Variants in VIRMA observed in about 807,000 individuals in gnomAD.
The protein encoded by VIRMA is vir like m6A methyltransferase associated.
In VIRMA, 65 loss-of-function variants were observed where a neutral mutation model predicts 182.4. That is an observed-to-expected ratio of 0.36 (90% confidence interval 0.29 to 0.44). The LOEUF is 0.44. Ranked by LOEUF, VIRMA falls within the 20% of genes least tolerant of loss-of-function variation. The pLI is 1.00. For missense variants in VIRMA, 1,752 were observed against 2,158.1 expected (o/e 0.81, Z 3.73); for synonymous variants, 709 against 743.1 (o/e 0.95, Z 0.75).
In VIRMA at chr8:94,537,130, A is replaced by G. The variant is rs776225246; in HGVS notation, c.288T>C (p.Thr96=). ...TTGAGTTAGGTCTAAAGATGATGGA[A>G]GTATTCTCATCATATTCCAGGCTGT... ...RLGSLEYDEN[T]SIIFRPNSKV... The change falls in exon 4 of 24, where the codon ACT becomes ACC. Residue 96 remains threonine, a synonymous_variant. Transcript: ENST00000297591. 1 of 1,604,720 alleles carries G rather than the reference A, an allele frequency of 6.2e-7. No individual in the cohort carries two copies.
At chr8:94,534,781 T>A (rs1014727490) in intron 5 of VIRMA, 58 bp downstream of exon 5, 1 of 1,579,174 alleles carries the variant, frequency 6.3e-7, no homozygotes, top group African/African-American at 1.4e-5. Flanking sequence ...CGAATTATTT[T>A]TTTTTTTTAA....
At chr8:94,504,075 G>A (rs1341250564) in intron 16 of VIRMA, among the ~76,000 whole-genome samples, 1 of 152,050 alleles carries the variant, frequency 6.6e-6, no homozygotes, top group Non-Finnish European at 1.5e-5. Flanking sequence ...TTGGGAGGCT[G>A]AGGCAGGGGA....
chr8:94,507,944 T>G (rs954797528), intron 15 of VIRMA, among the ~76,000 whole-genome samples: 36 of 148,808 alleles, frequency 2.4e-4, no homozygotes, highest in Admixed American at 6.7e-4. Flanking sequence ...TATGTGTATA[T>G]GTGTATATAT....
intron 15 of VIRMA, among the ~76,000 whole-genome samples, chr8:94,509,434 G>A (rs1243574480): frequency 1.3e-5 from 2 of 151,606 alleles, no homozygotes; most frequent in African/African-American, 2.4e-5. Flanking sequence ...GGTGTGTAAC[G>A]TAATTGGAAG....
intron 8 of VIRMA, among the ~76,000 whole-genome samples, chr8:94,521,880 A>G (rs1366929091): frequency 2.6e-5 from 4 of 152,222 alleles, no homozygotes; most frequent in Non-Finnish European, 5.9e-5. Flanking sequence ...TGGACCATTC[A>G]GAGAATGGTT....
intron 16 of VIRMA, among the ~76,000 whole-genome samples, chr8:94,501,799 A>G (rs564179280): frequency 4.5e-4 from 69 of 152,100 alleles, no homozygotes; most frequent in African/African-American, 1.6e-3. Flanking sequence ...TCTACAAAAG[A>G]TACAAAAATT....
chr8:94,550,129 G>A (rs1179874730), intron 1 of VIRMA, among the ~76,000 whole-genome samples: 2 of 151,094 alleles, frequency 1.3e-5, no homozygotes, highest in African/African-American at 4.9e-5. Flanking sequence ...GGAAGGACCA[G>A]AGATGATTTA....
intron 16 of VIRMA, 126 bp from the exon 17 acceptor site, chr8:94,499,632 T>C: frequency 1.7e-6 from 1 of 595,368 alleles, no homozygotes; most frequent in Non-Finnish European, 2.7e-6. Context: ...TGCTAAGAAG[T>C]ACTTTGGTGT....
Position 94,499,422 on chromosome 8 carries a change from T to C in VIRMA, c.4182A>G (p.Ala1394=), listed in dbSNP as rs1227760536. The C allele has an allele frequency of 1.9e-6, 3 of 1,605,806 alleles. No individual in the cohort carries two copies. The highest frequency in any genetic ancestry group is 1.7e-4 in the Middle Eastern group (1 of 6,050). Residue 1394 remains alanine, a synonymous_variant, in exon 17 of 24, where the codon GCA becomes GCG. Transcript: ENST00000297591. Reference sequence around the variant, plus strand: ...GTCTCATAAATTCTAAAAATGAAGATGCAAGCTCTCCTGTGTCCTTACTAA... The same window carrying C: ...GTCTCATAAATTCTAAAAATGAAGACGCAAGCTCTCCTGTGTCCTTACTAA... ...STFSKDTGEL[A]SSFLEFMRQI... is the part of the protein sequence containing the mutation.
intron 15 of VIRMA, among the ~76,000 whole-genome samples, chr8:94,507,882 C>CATGTATAT (rs1160934651): frequency 1.4e-4 from 16 of 112,490 alleles, no homozygotes; most frequent in African/African-American, 4.2e-4. Flanking sequence ...TATATATATA[C>CATGTATAT]ATGTATATAT....
chr8:94,496,577 T>G, intron 17 of VIRMA, 97 bp from the exon 18 acceptor site: 2 of 954,930 alleles, frequency 2.1e-6, no homozygotes, highest in South Asian at 4.3e-5. Context: ...GCTGCAATCT[T>G]TCCTTCAATG....
intron 15 of VIRMA, among the ~76,000 whole-genome samples, chr8:94,509,025 A>G (rs147361839): frequency 1.1e-3 from 161 of 152,318 alleles, no homozygotes; most frequent in African/African-American, 3.8e-3. Flanking sequence ...AAGTAGTCTG[A>G]AACACACTAA....
In VIRMA at chr8:94,529,456, C is replaced by CT. The variant is rs537260291; in HGVS notation, c.608-115dup. 5.6e-4 allele frequency: 347 copies of CT among 617,358 alleles called. 3 individuals are homozygous for CT. The highest frequency in any genetic ancestry group is 5.6e-3 in the African/African-American group (301 of 53,890). The allele number at this position is 617,358 out of a possible 1,614,324, so 38.2% of individuals were successfully genotyped here. On this transcript the variant is annotated intron_variant, in intron 6 of 23. Coordinates refer to ENST00000297591, the MANE Select transcript of VIRMA (RefSeq NM_015496.5). Reference sequence around the variant, plus strand: ...TTGGTTGATATAGTTTATAAATACCCTTAAAAAAAAAGAATTACTCACTGT... The same window carrying CT: ...TTGGTTGATATAGTTTATAAATACCCTTTAAAAAAAAAGAATTACTCACTGT...
Position 94,494,218 on chromosome 8 carries a change from G to T in VIRMA, c.4641+642C>A, listed in dbSNP as rs544407918. 2.0e-5 allele frequency among the ~76,000 whole-genome samples: 3 copies of T among 152,280 alleles called. No homozygotes were observed. The South Asian group carries it at 6.2e-4, about 32-fold the overall frequency. ...GCCTGTAATCCCATCGCTTTGGGAG[G>T]CCAAAGAGAGAGGATTGTTTGAGGC... On this transcript the variant is annotated intron_variant, in intron 20 of 23. Coordinates refer to ENST00000297591, the MANE Select transcript of VIRMA (RefSeq NM_015496.5).
At chr8:94,544,662 CAAAAAAAAAA>C (rs11364603) in intron 1 of VIRMA, among the ~76,000 whole-genome samples, 1 of 94,488 alleles carries the variant, frequency 1.1e-5, no homozygotes, top group Admixed American at 1.2e-4. Flanking sequence ...GACTCTGTCT[CAAAAAAAAAA>C]AAAAAAAAGA....
At chr8:94,514,756 A>G in intron 11 of VIRMA, 113 bp downstream of exon 11, 2 of 599,472 alleles carry the variant, frequency 3.3e-6, no homozygotes, top group South Asian at 5.7e-5. Context: ...TAATAAATCA[A>G]TCAAGGACAC....
In VIRMA at chr8:94,526,833, C is replaced by A; in HGVS notation, c.1411G>T (p.Ala471Ser). The A allele has an allele frequency of 6.2e-7, 1 of 1,614,162 alleles. No homozygotes were observed. Among genetic ancestry groups the A allele is most frequent in the South Asian group, 1.1e-5 (1 of 91,088 alleles). The change falls in exon 8 of 24, where the codon GCT becomes TCT. Residue 471 changes from alanine to serine, a missense_variant. Coordinates refer to ENST00000297591, the MANE Select transcript of VIRMA (RefSeq NM_015496.5). ...KLVSSLAECG[A>S]QGVTGLLQAG... ...TGTAGCAGTCCTGTAACTCCTTGAG[C>A]CCCACATTCTGCTAGTGAGGACACT...
At chr8:94,538,429 T>C in intron 2 of VIRMA, 83 bp from the exon 3 acceptor site, 2 of 792,366 alleles carry the variant, frequency 2.5e-6, no homozygotes, top group Non-Finnish European at 4.3e-6. Flanking sequence ...AAGTACAAAG[T>C]TAAGAGCAAT....
Position 94,488,558 on chromosome 8 carries a change from G to T in VIRMA, c.*148C>A. 1 of 646,412 alleles carries T rather than the reference G, an allele frequency of 1.5e-6. No homozygotes were observed. The highest frequency in any genetic ancestry group is 2.5e-6 in the Non-Finnish European group (1 of 399,908). 40.0% of individuals were successfully genotyped at this position (646,412 alleles called of 1,614,324 possible). Reference sequence around the variant, plus strand: ...TGGATTTTTATTGAAATCTTGTTAGGTATCAAACAAATTCTGCTTTCTTCA... The same window carrying T: ...TGGATTTTTATTGAAATCTTGTTAGTTATCAAACAAATTCTGCTTTCTTCA... On this transcript the variant is annotated 3_prime_UTR_variant, in exon 24 of 24. Transcript: ENST00000297591.
Sources: allele counts gnomAD v4.1 joint callset (sites outside exome capture counted in the v4.1 genomes callset), GRCh38; gene constraint gnomAD v4.1.1; transcripts MANE v1.5; gene names NCBI Gene and HGNC (gene_info 2026-07-23, HGNC 2026-07-21).